RNF19A: variants seen among roughly 807,000 people sequenced by gnomAD.
RNF19A encodes the protein E3 ubiquitin-protein ligase RNF19A.
A neutral mutation model predicts 75.7 loss-of-function variants in RNF19A; 32 were observed. That is an observed-to-expected ratio of 0.42 (90% CI 0.32 to 0.57). The LOEUF is 0.57. Ranked by LOEUF, RNF19A falls within the 20% of genes least tolerant of loss-of-function variation. The pLI, the probability that RNF19A is intolerant of heterozygous loss-of-function variation, is 0.10. For missense variants in RNF19A, 782 were observed against 1,036.3 expected (o/e 0.75, Z 3.37); for synonymous variants, 335 against 345.2 (o/e 0.97, Z 0.33).
At chr8:100,270,132 C>A (rs1477462505) in intron 3 of RNF19A, 119 bp from the exon 4 acceptor site, 3 of 741,598 alleles carry the variant, frequency 4.0e-6, no homozygotes, top group Non-Finnish European at 5.9e-6. Context: ...TAACTTATAG[C>A]TTCAGCCTGC....
At chr8:100,282,140 C>CT (rs199810141) in intron 2 of RNF19A, among the ~76,000 whole-genome samples, 2,052 of 152,288 alleles carry the variant, frequency 0.013, 23 homozygotes, top group Non-Finnish European at 0.022. Context: ...AAGCTACATT[C>CT]TTTAGTCAAC....
Position 100,264,510 on chromosome 8 carries a change from CTT to C in RNF19A, c.1306+159_1306+160del. 3.3e-6 allele frequency: 2 copies of C among 611,166 alleles called. No homozygotes were observed. The highest frequency in any genetic ancestry group is 5.7e-6 in the Non-Finnish European group (2 of 351,054). 37.9% of individuals were successfully genotyped at this position (611,166 alleles called of 1,614,324 possible). On this transcript the variant is annotated intron_variant, in intron 6 of 9. Coordinates refer to ENST00000341084, the MANE Select transcript of RNF19A (RefSeq NM_183419.4). The surrounding 1 kb of genome is among the most constrained non-coding windows in gnomAD (Gnocchi z 4.7). The stretch of plus-strand genomic sequence containing the variant: ...TCAGCCACTAACAATTTACCAACTA[CTT>C]TAAGGCTAGGCTCTTGAATCTGTAA...
chr8:100,290,692 C>T (rs1335665079), intron 1 of RNF19A, among the ~76,000 whole-genome samples: 2 of 152,142 alleles, frequency 1.3e-5, no homozygotes, highest in East Asian at 1.9e-4. Flanking sequence ...GATCAGGATA[C>T]ATTCTGAGAA....
At chr8:100,292,435 G>GGGGGGGGT (rs137938989) in intron 1 of RNF19A, among the ~76,000 whole-genome samples, 3 of 145,430 alleles carry the variant, frequency 2.1e-5, no homozygotes, top group African/African-American at 7.6e-5. Flanking sequence ...CTATCATATG[G>GGGGGGGGT]GTGTGTGTGT....
upstream of RNF19A, among the ~76,000 whole-genome samples, chr8:100,314,583 T>C (rs565954124): frequency 1.6e-3 from 248 of 152,276 alleles, no homozygotes; most frequent in Non-Finnish European, 2.6e-3. The surrounding 1 kb of genome is among the most constrained non-coding windows in gnomAD (Gnocchi z 4.1). Context: ...CATCCTTTCC[T>C]GTCTTCCTTC....
chr8:100,310,727 TG>T (rs1822272496), upstream of RNF19A, among the ~76,000 whole-genome samples: 1 of 151,668 alleles, frequency 6.6e-6, no homozygotes, highest in Admixed American at 6.6e-5. Flanking sequence ...CGTGAGGGTT[TG>T]GAGAGTATCT....
chr8:100,282,927 A>C (rs1820847886), intron 2 of RNF19A, among the ~76,000 whole-genome samples: 1 of 152,206 alleles, frequency 6.6e-6, no homozygotes, highest in South Asian at 2.1e-4. Context: ...AACCAGCTTG[A>C]AGCTTACACA....
chr8:100,263,104 G>T (rs924140475), intron 7 of RNF19A, among the ~76,000 whole-genome samples: 4 of 152,158 alleles, frequency 2.6e-5, no homozygotes, highest in African/African-American at 9.7e-5. Context: ...AAGTTCAGGG[G>T]AGAGGTCGGT....
chr8:100,301,451 A>C (rs566000507), intron 1 of RNF19A, among the ~76,000 whole-genome samples: 61 of 152,324 alleles, frequency 4.0e-4, no homozygotes, highest in African/African-American at 1.3e-3. Flanking sequence ...TGGCATTAAA[A>C]GCCCTCCACA....
intron 1 of RNF19A, chr8:100,309,224 C>A (rs1284190169): frequency 2.6e-6 from 2 of 774,136 alleles, no homozygotes; most frequent in African/African-American, 3.8e-5. Context: ...ACATACTTCA[C>A]CCCAAGGCTA....
intron 7 of RNF19A, among the ~76,000 whole-genome samples, chr8:100,263,242 C>T (rs767084223): frequency 5.3e-5 from 8 of 152,044 alleles, no homozygotes; most frequent in African/African-American, 7.2e-5. Context: ...ATTAATGAGA[C>T]GGACTGGCCA....
At chr8:100,308,646 A>G (rs973969834) in intron 1 of RNF19A, among the ~76,000 whole-genome samples, 5 of 151,732 alleles carry the variant, frequency 3.3e-5, no homozygotes, top group Admixed American at 6.6e-5. Context: ...CTAGGTTAAA[A>G]TAAGAAAAGA....
At chr8:100,291,903 G>C (rs1821311307) in intron 1 of RNF19A, among the ~76,000 whole-genome samples, 1 of 148,184 alleles carries the variant, frequency 6.7e-6, no homozygotes, top group South Asian at 2.2e-4. Context: ...TCTAAAATAA[G>C]CATGCAATAA....
intron 3 of RNF19A, among the ~76,000 whole-genome samples, chr8:100,273,954 T>C (rs578235684): frequency 2.6e-5 from 4 of 152,244 alleles, no homozygotes; most frequent in Admixed American, 2.6e-4. Context: ...AGCTAATTTT[T>C]GTATTTTTTT....
chr8:100,319,839 CTTTT>C (rs1208148347), intron 1 of RNF19A, among the ~76,000 whole-genome samples: 2 of 134,176 alleles, frequency 1.5e-5, no homozygotes, highest in Non-Finnish European at 1.6e-5. Flanking sequence ...CTTTTTTTTT[CTTTT>C]TTTTTTTTCG....
intron 1 of RNF19A, among the ~76,000 whole-genome samples, chr8:100,316,697 C>T (rs1003960556): frequency 1.3e-5 from 2 of 152,246 alleles, no homozygotes; most frequent in African/African-American, 4.8e-5. Context: ...CTCAGGAGCC[C>T]AGCTGGCTTC....
chr8:100,287,613 T>C lies in RNF19A; in HGVS notation c.562A>G (p.Ile188Val). ...ACATCATCACTTAATATCAAGCGAA[T>C]ATCATGGGGATTAAACCGTTCAGTA... Reference protein sequence around the residue: ...ECTERFNPHDIRLILSDDVLM... With the variant: ...ECTERFNPHDVRLILSDDVLM... The change falls in exon 2 of 10, where the codon ATT becomes GTT. Residue 188 changes from isoleucine to valine, a missense_variant. By Grantham distance (29) the Ile-to-Val change is conservative (BLOSUM62 3). Around this residue, in one of 7 missense-constraint regions of RNF19A, gnomAD observed 85 missense variants for 177.7 expected, o/e 0.48. Coordinates refer to ENST00000341084, the MANE Select transcript of RNF19A (RefSeq NM_183419.4). This position sits in a 1 kb window ranked among gnomAD's most constrained non-coding sequence, Gnocchi z 4.1. 1.2e-6 allele frequency: 2 copies of C among 1,614,152 alleles called. No homozygotes were observed. The highest frequency in any genetic ancestry group is 2.2e-5 in the South Asian group (2 of 91,080).
intron 1 of RNF19A, among the ~76,000 whole-genome samples, chr8:100,316,854 A>G (rs1351147036): frequency 6.6e-6 from 1 of 152,178 alleles, no homozygotes; most frequent in Non-Finnish European, 1.5e-5. Flanking sequence ...CTCAGGCCGC[A>G]CAGCAACTCA....
chr8:100,275,469 T>C lies in RNF19A; in HGVS notation c.675-308A>G, dbSNP rs1002729006. On this transcript the variant is annotated intron_variant, in intron 2 of 9. Transcript: ENST00000341084. The surrounding 1 kb of genome is among the most constrained non-coding windows in gnomAD (Gnocchi z 4.3). ...TTTGTTACATAGGTCTATTGCATGA[T>C]GCTGAGGTTTGGGCTTCTAATGATT... 1.3e-5 allele frequency among the ~76,000 whole-genome samples: 2 copies of C among 151,994 alleles called. No homozygotes were observed. The highest frequency in any genetic ancestry group is 1.3e-4 in the Admixed American group (2 of 15,254).
Sources: gnomAD v4.1 joint callset for allele counts (sites outside exome capture counted in the v4.1 genomes callset) on GRCh38, gnomAD v4.1.1 for gene constraint, gnomAD v4.1.1 regional missense constraint, Gnocchi (gnomAD v3.1) non-coding constraint, MANE v1.5 for transcripts, NCBI Gene and HGNC (gene_info 2026-07-23, HGNC 2026-07-21) for gene names.